Variants in SCNN1G observed in about 807,000 individuals in gnomAD.
SCNN1G encodes epithelial sodium channel subunit gamma.
Under a neutral mutation model 64.6 loss-of-function variants are expected in SCNN1G, and 27 were observed. The observed-to-expected ratio is 0.42, with a 90% CI of 0.31 to 0.58. The LOEUF (loss-of-function observed/expected upper bound fraction) is 0.58, where lower values mean the gene tolerates loss of function less well. Ranked by LOEUF, SCNN1G falls within the 20% of genes least tolerant of loss-of-function variation. The pLI, the probability that SCNN1G is intolerant of heterozygous loss-of-function variation, is 0.18. For missense variants in SCNN1G, 743 were observed against 823.4 expected (o/e 0.90, Z 1.19); for synonymous variants, 330 against 314.2 (o/e 1.05, Z -0.53).
chr16:23,215,796 C>G lies in SCNN1G; in HGVS notation c.*327C>G, dbSNP rs988790072. On this transcript the variant is annotated 3_prime_UTR_variant, in exon 13 of 13. Coordinates refer to ENST00000300061, the MANE Select transcript of SCNN1G (RefSeq NM_001039.4). ...GAGTGAGGACTGATGCAGCTCTTTACGGGTCTTGAGAGGGAAGGACTCTTC... is the reference window on the plus strand; with the variant it reads ...GAGTGAGGACTGATGCAGCTCTTTAGGGGTCTTGAGAGGGAAGGACTCTTC... The G allele has an allele frequency of 2.4e-6, 1 of 417,014 alleles. No individual in the cohort carries two copies. The highest frequency in any genetic ancestry group is 4.5e-6 in the Non-Finnish European group (1 of 223,656). The allele number at this position is 417,014 out of a possible 1,614,324, so 25.8% of individuals were successfully genotyped here.
intron 11 of SCNN1G, 107 bp downstream of exon 11, chr16:23,213,270 T>TTC: frequency 1.3e-6 from 1 of 782,188 alleles, no homozygotes; most frequent in Non-Finnish European, 2.1e-6. Flanking sequence ...TTTTTTTTTT[T>TTC]TTTATGGAGT....
intron 11 of SCNN1G, 64 bp downstream of exon 11, chr16:23,213,227 T>G (rs1249758069): frequency 8.6e-7 from 1 of 1,158,926 alleles, no homozygotes; most frequent in Non-Finnish European, 1.3e-6. Flanking sequence ...TCTCACTTGC[T>G]TCTGTATGTG....
intron 3 of SCNN1G, 110 bp downstream of exon 3, chr16:23,189,781 C>T: frequency 9.3e-7 from 1 of 1,076,342 alleles, no homozygotes; most frequent in South Asian, 1.3e-5. Flanking sequence ...AAGAAATACA[C>T]CCAGCTGGGG....
intron 4 of SCNN1G, among the ~76,000 whole-genome samples, 195 bp from the exon 5 acceptor site, chr16:23,193,975 CT>C (rs1662232816): frequency 6.7e-6 from 1 of 150,074 alleles, no homozygotes. Context: ...GGCAGAGAGT[CT>C]AGTTCTATGT....
At position 23,194,263 on chromosome 16, in the gene SCNN1G, G is replaced by T. The variant is rs760646755; in HGVS notation, c.902G>T (p.Gly301Val). 6.2e-7 allele frequency: 1 copy of T among 1,608,396 alleles called. No individual in the cohort carries two copies. The highest frequency in any genetic ancestry group is 8.5e-7 in the Non-Finnish European group (1 of 1,174,864). ...ACCATTCTCAGCACCTCCATGGGGG[G>T]CAGCGAATATGGTAAGGAAACCTGT... ...NETILSTSMG[G>V]SEYGLQVILY... is the part of the protein sequence containing the mutation. The change falls in exon 5 of 13, where the codon GGC (glycine) becomes GTC (valine). Residue 301 changes from glycine (G) to valine (V), a missense_variant. Physicochemically the swap from Gly to Val is moderately radical, Grantham distance 109 (BLOSUM62 -3). Transcript: ENST00000300061.
At chr16:23,212,296 T>G in intron 8 of SCNN1G, 145 bp downstream of exon 8, 2 of 713,418 alleles carry the variant, frequency 2.8e-6, no homozygotes, top group South Asian at 2.9e-5. Flanking sequence ...GTTTTACTTC[T>G]GTTGTCAAGC....
intron 3 of SCNN1G, 78 bp from the exon 4 acceptor site, chr16:23,192,274 G>A: frequency 8.4e-7 from 1 of 1,186,196 alleles, no homozygotes; most frequent in Non-Finnish European, 1.3e-6. Context: ...TGGAGTCTCA[G>A]TCACTCATTC....
At chr16:23,203,381 G>A (rs769599881) in intron 6 of SCNN1G, among the ~76,000 whole-genome samples, 3 of 152,112 alleles carry the variant, frequency 2.0e-5, no homozygotes, top group African/African-American at 7.2e-5. Flanking sequence ...AGAATGGGGA[G>A]ACTCCATGTC....
Position 23,189,618 on chromosome 16 carries a change from A to C in SCNN1G, c.565A>C (p.Lys189Gln). The part of the protein sequence containing the change: ...KRKVGGSIIH[K>Q]ASNVMHIESK... Reference sequence around the variant, plus strand: ...GAAAGTCGGCGGTAGCATCATTCACAAGGCTTCAAATGTCATGCACATCGA... The same window carrying C: ...GAAAGTCGGCGGTAGCATCATTCACCAGGCTTCAAATGTCATGCACATCGA... The change falls in exon 3 of 13, where the codon AAG becomes CAG. Residue 189 changes from lysine (K) to glutamine (Q), a missense_variant. Coordinates refer to ENST00000300061, the MANE Select transcript of SCNN1G (RefSeq NM_001039.4). 1 of 1,614,230 alleles carries C rather than the reference A, an allele frequency of 6.2e-7. No individual in the cohort carries two copies. The highest frequency in any genetic ancestry group is 1.1e-5 in the South Asian group (1 of 91,084).
chr16:23,214,849 G>C, intron 12 of SCNN1G, 62 bp downstream of exon 12: 1 of 1,401,274 alleles, frequency 7.1e-7, no homozygotes, highest in Non-Finnish European at 1.0e-6. Flanking sequence ...CATCTTCCTG[G>C]CCTTGGGGAG....
Position 23,192,371 on chromosome 16 carries a change from A to T in SCNN1G, c.638A>T (p.Asp213Val), listed in dbSNP as rs1466281176. 2 of 1,613,932 alleles carry T rather than the reference A, an allele frequency of 1.2e-6. No homozygotes were observed. Among genetic ancestry groups the T allele is most frequent in the East Asian group, 4.5e-5 (2 of 44,874 alleles). ...GFQLCSNDTS[D>V]CATYTFSSGI... is the part of the protein sequence containing the mutation. ...TCACAGTGCTCAAATGACACCTCCG[A>T]CTGTGCCACCTACACCTTCAGCTCG... Residue 213 changes from aspartate (D) to valine (V), a missense_variant, in exon 4 of 13, where the codon GAC becomes GTC. By Grantham distance (152) the Asp-to-Val change is radical. Transcript: ENST00000300061.
intron 3 of SCNN1G, among the ~76,000 whole-genome samples, chr16:23,191,079 A>G (rs1238418660): frequency 6.6e-6 from 1 of 151,958 alleles, no homozygotes; most frequent in Non-Finnish European, 1.5e-5. Context: ...CCTCGACCTC[A>G]GGTGGTCCCC....
intron 4 of SCNN1G, among the ~76,000 whole-genome samples, chr16:23,193,591 G>C (rs746480928): frequency 1.8e-4 from 27 of 152,168 alleles, no homozygotes; most frequent in Non-Finnish European, 1.8e-4. Flanking sequence ...TGAGGCTGCA[G>C]TGAGCCATAA....
At chr16:23,204,315 A>ATATATT in intron 6 of SCNN1G, among the ~76,000 whole-genome samples, 1 of 86,456 alleles carries the variant, frequency 1.2e-5, no homozygotes, top group Non-Finnish European at 2.4e-5. Flanking sequence ...ATATATATAT[A>ATATATT]TATATATATA....
intron 6 of SCNN1G, among the ~76,000 whole-genome samples, chr16:23,205,577 A>G (rs1474053862): frequency 6.6e-6 from 1 of 151,964 alleles, no homozygotes; most frequent in Non-Finnish European, 1.5e-5. Context: ...GCACACACCT[A>G]TAATCCCAGC....
chr16:23,204,246 T>C (rs1375469156), intron 6 of SCNN1G, among the ~76,000 whole-genome samples: 1 of 138,444 alleles, frequency 7.2e-6, no homozygotes, highest in Non-Finnish European at 1.5e-5. Context: ...GCCACTGCAC[T>C]GCAGGCTGGG....
intron 6 of SCNN1G, among the ~76,000 whole-genome samples, chr16:23,201,837 G>A (rs1959894714): frequency 1.3e-5 from 2 of 152,158 alleles, no homozygotes; most frequent in Non-Finnish European, 2.9e-5. Flanking sequence ...TAAAGACAAG[G>A]TCTTGCTCTG....
chr16:23,192,992 C>T (rs1331341940), intron 4 of SCNN1G, among the ~76,000 whole-genome samples: 1 of 147,338 alleles, frequency 6.8e-6, no homozygotes, highest in East Asian at 2.2e-4. Flanking sequence ...TCGCTTGAAC[C>T]CGGGAGGCGG....
chr16:23,209,937 C>A, intron 7 of SCNN1G, 89 bp downstream of exon 7: 1 of 913,624 alleles, frequency 1.1e-6, no homozygotes, highest in Non-Finnish European at 1.8e-6. Context: ...TGGCTTGCAC[C>A]AGGAACTCTG....
Sources: gnomAD v4.1 joint callset for allele counts (sites outside exome capture counted in the v4.1 genomes callset) on GRCh38, gnomAD v4.1.1 for gene constraint, MANE v1.5 for transcripts, NCBI Gene and HGNC (gene_info 2026-07-23, HGNC 2026-07-21) for gene names.